The following GPHN variants were observed in gnomAD, a reference collection of about 807,000 sequenced individuals.
The protein encoded by GPHN is gephyrin.
Under a neutral mutation model 95.5 loss-of-function variants are expected in GPHN, and 17 were observed. The ratio of observed to expected loss-of-function variants is 0.18; its 90% confidence interval spans 0.12 to 0.27. GPHN has a LOEUF of 0.27. GPHN is among the 10% of genes least tolerant of loss of function. The pLI, the probability that GPHN is intolerant of heterozygous loss-of-function variation, is 1.00. For synonymous variants in GPHN, 320 were observed against 322.5 expected, an observed-to-expected ratio of 0.99 and a Z score of 0.08; for missense variants, 660 against 978.1, an observed-to-expected ratio of 0.67 and a Z score of 4.34.
chr14:67,098,851 G>A (rs1052126623), intron 12 of GPHN, among the ~76,000 whole-genome samples: 1 of 150,844 alleles, frequency 6.6e-6, no homozygotes, highest in African/African-American at 2.4e-5. Context: ...AAGAGAGAGA[G>A]AAAATACCTA....
At chr14:67,238,458 C>T in the GPHN span, among the ~76,000 whole-genome samples, 26 of 151,728 alleles carry the variant, frequency 1.7e-4, no homozygotes, top group South Asian at 4.2e-4. Flanking sequence ...TTTGTAGAGA[C>T]GGGGTCTCCC....
chr14:67,431,321 G>A, the GPHN span, among the ~76,000 whole-genome samples: 1 of 150,956 alleles, frequency 6.6e-6, no homozygotes, highest in African/African-American at 2.4e-5. Context: ...GAACCTGGGA[G>A]GCGGAGGTTG....
intron 5 of GPHN, among the ~76,000 whole-genome samples, chr14:66,915,396 T>G (rs77134060): frequency 6.6e-6 from 1 of 151,202 alleles, no homozygotes; most frequent in Non-Finnish European, 1.5e-5. Flanking sequence ...TGCTTTTCCA[T>G]TTTTTTATGT....
At chr14:67,069,902 T>A (rs567010827) in intron 11 of GPHN, among the ~76,000 whole-genome samples, 84 of 152,362 alleles carry the variant, frequency 5.5e-4, no homozygotes, top group African/African-American at 1.9e-3. Context: ...AGAATTGAGA[T>A]ACCTATTCAA....
At chr14:67,191,407 T>C in the GPHN span, among the ~76,000 whole-genome samples, 4 of 152,156 alleles carry the variant, frequency 2.6e-5, no homozygotes, top group African/African-American at 9.7e-5. Flanking sequence ...GAAACATTTG[T>C]AGAGGACATT....
chr14:66,642,750 G>A (rs970309475), intron 1 of GPHN, among the ~76,000 whole-genome samples: 1 of 151,908 alleles, frequency 6.6e-6, no homozygotes, highest in African/African-American at 2.4e-5. Flanking sequence ...ATTTATGACT[G>A]ATTTTTTTAA....
At chr14:67,600,857 G>A in the GPHN span, among the ~76,000 whole-genome samples, 1 of 152,200 alleles carries the variant, frequency 6.6e-6, no homozygotes. Flanking sequence ...GGGATTACAG[G>A]CGTGAGCCAC....
At chr14:67,015,745 A>C (rs1366288642) in intron 9 of GPHN, among the ~76,000 whole-genome samples, 1 of 152,152 alleles carries the variant, frequency 6.6e-6, no homozygotes, top group Non-Finnish European at 1.5e-5. Context: ...TCTATCAGTG[A>C]GCAATAAATG....
the GPHN span, among the ~76,000 whole-genome samples, chr14:67,718,734 G>A: frequency 6.6e-6 from 1 of 152,150 alleles, no homozygotes; most frequent in Admixed American, 6.5e-5. Flanking sequence ...AATCCCTAAA[G>A]AGCAGGTATC....
the GPHN span, chr14:67,617,376 G>A: frequency 6.6e-6 from 1 of 152,182 alleles, no homozygotes; most frequent in African/African-American, 2.4e-5. Context: ...AACTGACTGT[G>A]ACCAATCTAT....
the GPHN span, among the ~76,000 whole-genome samples, chr14:67,420,266 C>G: frequency 6.6e-6 from 1 of 152,216 alleles, no homozygotes; most frequent in Non-Finnish European, 1.5e-5. Context: ...TGAAGAGGCC[C>G]CCTGTCTCCA....
At chr14:67,629,824 C>G in the GPHN span, among the ~76,000 whole-genome samples, 1 of 152,214 alleles carries the variant, frequency 6.6e-6, no homozygotes, top group Admixed American at 6.5e-5. Context: ...GTGAAGACTA[C>G]ACAGAAAACC....
chr14:67,326,962 G>A, the GPHN span, among the ~76,000 whole-genome samples: 1 of 151,888 alleles, frequency 6.6e-6, no homozygotes, highest in Admixed American at 6.6e-5. Context: ...ATCACTTGAG[G>A]TGAGGAGTTT....
chr14:66,880,149 A>G, intron 5 of GPHN, 116 bp downstream of exon 5: 1 of 728,886 alleles, frequency 1.4e-6, no homozygotes, highest in East Asian at 2.7e-5. Context: ...GTCCACATAA[A>G]GTTCTTAGCT....
At chr14:67,166,761 C>T (rs2082302913) in intron 20 of GPHN, among the ~76,000 whole-genome samples, 1 of 152,186 alleles carries the variant, frequency 6.6e-6, no homozygotes, top group African/African-American at 2.4e-5. Context: ...CCTCTGCCTC[C>T]TAGGCTCAAG....
the GPHN span, among the ~76,000 whole-genome samples, chr14:67,703,159 A>G: frequency 6.6e-6 from 1 of 152,168 alleles, no homozygotes; most frequent in Non-Finnish European, 1.5e-5. Flanking sequence ...ATGAGATAGT[A>G]ATACAAACTC....
the GPHN span, among the ~76,000 whole-genome samples, chr14:67,617,617 AG>A: frequency 6.6e-6 from 1 of 152,266 alleles, no homozygotes; most frequent in East Asian, 1.9e-4. Flanking sequence ...AACTATAGGT[AG>A]TGGAAAACCA....
the GPHN span, among the ~76,000 whole-genome samples, chr14:67,406,893 A>G: frequency 6.6e-6 from 1 of 152,172 alleles, no homozygotes; most frequent in Non-Finnish European, 1.5e-5. Flanking sequence ...CTCCACCTGG[A>G]CACTTGTCCC....
At chr14:67,254,585 G>A in the GPHN span, among the ~76,000 whole-genome samples, 6 of 151,830 alleles carry the variant, frequency 4.0e-5, no homozygotes, top group African/African-American at 1.2e-4. Context: ...TGATACAGTC[G>A]TACTTGTCCT....
Sources: gnomAD v4.1 joint callset for allele counts (sites outside exome capture counted in the v4.1 genomes callset) on GRCh38, gnomAD v4.1.1 for gene constraint, MANE v1.5 for transcripts, NCBI Gene and HGNC (gene_info 2026-07-23, HGNC 2026-07-21) for gene names.